CNBD1: variants seen among roughly 807,000 people sequenced by gnomAD.
CNBD1 encodes the protein cyclic nucleotide-binding domain-containing protein 1.
Under a neutral mutation model 54.4 loss-of-function variants are expected in CNBD1, and 71 were observed. The ratio of observed to expected loss-of-function variants is 1.30; its 90% confidence interval spans 1.08 to 1.59. The LOEUF is 1.59. Among genes scored for constraint, CNBD1 ranks in the 40% most tolerant of loss-of-function variants. The probability of loss-of-function intolerance (pLI) is 0.00; values close to 1 mark genes in which losing one functional copy is unlikely to be tolerated. For synonymous variants in CNBD1, 182 were observed against 170.7 expected (o/e 1.07, Z -0.51); for missense variants, 659 against 518.0 (o/e 1.27, Z -2.64).
intron 3 of CNBD1, among the ~76,000 whole-genome samples, chr8:86,926,792 C>T (rs576135239): frequency 6.6e-6 from 1 of 152,244 alleles, no homozygotes; most frequent in East Asian, 1.9e-4. Flanking sequence ...TGTCATTTCC[C>T]ATAAACTGTA....
At chr8:87,312,959 A>G (rs555115289) in intron 8 of CNBD1, among the ~76,000 whole-genome samples, 1 of 152,100 alleles carries the variant, frequency 6.6e-6, no homozygotes, top group Admixed American at 6.6e-5. Context: ...TCAACGATAT[A>G]TTGTTCTGCC....
intron 4 of CNBD1, among the ~76,000 whole-genome samples, chr8:87,205,019 C>A (rs1813941510): frequency 6.6e-6 from 1 of 151,792 alleles, no homozygotes; most frequent in African/African-American, 2.4e-5. Context: ...TCTATAAACA[C>A]ACACAGACAT....
intron 10 of CNBD1, among the ~76,000 whole-genome samples, chr8:87,356,471 G>T (rs375416737): frequency 2.0e-5 from 3 of 152,280 alleles, no homozygotes; most frequent in Admixed American, 6.5e-5. Flanking sequence ...AATCTTGGCT[G>T]CATTGTGTCC....
At chr8:87,302,327 G>T (rs1486266144) in intron 8 of CNBD1, among the ~76,000 whole-genome samples, 4 of 152,182 alleles carry the variant, frequency 2.6e-5, no homozygotes, top group Non-Finnish European at 5.9e-5. Context: ...TGCAAGGCTG[G>T]TTCAACATAT....
At chr8:87,090,712 T>C (rs1463436689) in intron 4 of CNBD1, among the ~76,000 whole-genome samples, 1 of 152,062 alleles carries the variant, frequency 6.6e-6, no homozygotes, top group Non-Finnish European at 1.5e-5. Context: ...AATCAGGTAA[T>C]TTAAACAATT....
chr8:87,277,133 C>T (rs747143427), intron 6 of CNBD1, among the ~76,000 whole-genome samples: 4 of 151,404 alleles, frequency 2.6e-5, no homozygotes, highest in African/African-American at 4.8e-5. Context: ...AAGGAATTAG[C>T]TCAGGTAATT....
At chr8:87,230,215 A>T (rs1586348643) in intron 5 of CNBD1, among the ~76,000 whole-genome samples, 1 of 152,202 alleles carries the variant, frequency 6.6e-6, no homozygotes, top group East Asian at 1.9e-4. Flanking sequence ...TAAACCATTC[A>T]TGAATGATTC....
intron 8 of CNBD1, among the ~76,000 whole-genome samples, chr8:87,344,880 A>G (rs201496669): frequency 6.6e-6 from 1 of 152,144 alleles, no homozygotes; most frequent in Non-Finnish European, 1.5e-5. Flanking sequence ...TGTTAGGATG[A>G]GGTAACTAAT....
intron 4 of CNBD1, among the ~76,000 whole-genome samples, chr8:86,996,878 T>A (rs1294671334): frequency 1.2e-4 from 18 of 152,222 alleles, no homozygotes; most frequent in Non-Finnish European, 5.9e-5. Flanking sequence ...AGATTTGGTG[T>A]CTGGTGAGGA....
chr8:87,338,960 T>A (rs1228784178), intron 8 of CNBD1, among the ~76,000 whole-genome samples: 2 of 152,166 alleles, frequency 1.3e-5, no homozygotes, highest in Non-Finnish European at 2.9e-5. Flanking sequence ...AACTGTAAAC[T>A]TCACATGTGC....
At chr8:87,366,414 T>G (rs546352352) in intron 10 of CNBD1, among the ~76,000 whole-genome samples, 38 of 152,164 alleles carry the variant, frequency 2.5e-4, no homozygotes, top group African/African-American at 8.7e-4. Flanking sequence ...CATCTGGCCC[T>G]CTCCATCTCA....
intron 4 of CNBD1, among the ~76,000 whole-genome samples, chr8:87,132,908 T>C (rs1812150100): frequency 6.6e-6 from 1 of 150,910 alleles, no homozygotes; most frequent in South Asian, 2.1e-4. Flanking sequence ...GATAAAGTCC[T>C]ACAAGTCACT....
intron 8 of CNBD1, among the ~76,000 whole-genome samples, chr8:87,331,630 A>G (rs1198867447): frequency 6.6e-6 from 1 of 152,174 alleles, no homozygotes; most frequent in Non-Finnish European, 1.5e-5. Context: ...TCCTTAAATT[A>G]TCACCACACT....
intron 4 of CNBD1, among the ~76,000 whole-genome samples, chr8:87,052,683 A>G (rs1810335049): frequency 6.6e-6 from 1 of 152,092 alleles, no homozygotes; most frequent in African/African-American, 2.4e-5. Flanking sequence ...CTTTGGCTAT[A>G]GGAGACATGT....
rs143718044 is a variant in CNBD1, at chr8:86,896,088, G to C, written c.158+8477G>C. On this transcript the variant is annotated intron_variant, in intron 2 of 10. Transcript: ENST00000518476. ...GAGTTTATTTTTGTGTATGGCATAA[G>C]ATAGGGGTACAATTTCATTCTTTTC... 4.3e-4 allele frequency among the ~76,000 whole-genome samples: 65 copies of C among 152,186 alleles called. No individual in the cohort carries two copies. In the East Asian group the frequency reaches 0.011, roughly 26 times the overall value.
chr8:87,139,350 A>G (rs1414396827), intron 4 of CNBD1, among the ~76,000 whole-genome samples: 4 of 152,310 alleles, frequency 2.6e-5, no homozygotes, highest in African/African-American at 9.6e-5. Context: ...TTGTGAAACA[A>G]TTGTGTCTCA....
intron 4 of CNBD1, among the ~76,000 whole-genome samples, chr8:87,121,838 T>C (rs1367019497): frequency 6.6e-6 from 1 of 151,652 alleles, no homozygotes; most frequent in Non-Finnish European, 1.5e-5. Flanking sequence ...TTGTCACAAA[T>C]AACAGGGGAC....
At chr8:87,224,525 T>C (rs1374613030) in intron 5 of CNBD1, among the ~76,000 whole-genome samples, 1 of 151,320 alleles carries the variant, frequency 6.6e-6, no homozygotes, top group East Asian at 1.9e-4. Flanking sequence ...CTTGTTTTTC[T>C]CAGGTTTGTC....
At chr8:87,243,997 G>A (rs576165992) in intron 6 of CNBD1, among the ~76,000 whole-genome samples, 1 of 152,016 alleles carries the variant, frequency 6.6e-6, no homozygotes, top group Non-Finnish European at 1.5e-5. Context: ...TTTGAGACAG[G>A]TCTCAGTTAA....
Sources: allele counts gnomAD v4.1 joint callset (sites outside exome capture counted in the v4.1 genomes callset), GRCh38; gene constraint gnomAD v4.1.1; transcripts MANE v1.5; gene names NCBI Gene and HGNC (gene_info 2026-07-23, HGNC 2026-07-21).